The following GTF2F2 variants were observed in gnomAD, a reference collection of about 807,000 sequenced individuals.
GTF2F2 encodes general transcription factor IIF subunit 2.
Under a neutral mutation model 42.2 loss-of-function variants are expected in GTF2F2, and 23 were observed. The ratio of observed to expected loss-of-function variants is 0.55; its 90% CI spans 0.39 to 0.77. The LOEUF (loss-of-function observed/expected upper bound fraction) is 0.77. GTF2F2 is among the 30% of genes least tolerant of loss of function. The pLI is 0.00. For missense variants in GTF2F2, 261 were observed against 287.2 expected (o/e 0.91, Z 0.66); for synonymous variants, 105 against 100.8 (o/e 1.04, Z -0.25).
At chr13:45,165,331 A>AT (rs1555265772) in intron 4 of GTF2F2, among the ~76,000 whole-genome samples, 3,477 of 136,854 alleles carry the variant, frequency 0.025, 51 homozygotes, top group Middle Eastern at 0.056. Context: ...ATATATATAT[A>AT]TTTTTTTTTT....
At chr13:45,183,949 G>C (rs929349667) in intron 4 of GTF2F2, among the ~76,000 whole-genome samples, 1 of 151,696 alleles carries the variant, frequency 6.6e-6, no homozygotes, top group Non-Finnish European at 1.5e-5. Flanking sequence ...TCTTCCTCCC[G>C]GGCTCAAGCA....
intron 5 of GTF2F2, among the ~76,000 whole-genome samples, chr13:45,243,954 C>T (rs920242267): frequency 4.6e-5 from 7 of 152,234 alleles, no homozygotes; most frequent in African/African-American, 1.7e-4. Flanking sequence ...AGCCACTGCG[C>T]CCTGCCAGTT....
At chr13:45,207,989 T>C (rs749688125) in intron 5 of GTF2F2, among the ~76,000 whole-genome samples, 16 of 152,060 alleles carry the variant, frequency 1.1e-4, no homozygotes, top group Non-Finnish European at 5.9e-5. Flanking sequence ...ATATCCTATC[T>C]CTACAAAAAG....
At chr13:45,149,655 C>A (rs1870383095) in intron 2 of GTF2F2, 115 bp from the exon 3 acceptor site, 2 of 1,051,534 alleles carry the variant, frequency 1.9e-6, no homozygotes, top group African/African-American at 1.7e-5. Context: ...ATTGGTTAAT[C>A]TCTGTAAATG....
intron 4 of GTF2F2, 74 bp from the exon 5 acceptor site, chr13:45,207,350 G>T: frequency 1.2e-6 from 1 of 818,892 alleles, no homozygotes; most frequent in Non-Finnish European, 2.1e-6. Flanking sequence ...TCATATTACT[G>T]TGTTTAGTGT....
At chr13:45,185,620 A>G (rs1872383686) in intron 4 of GTF2F2, among the ~76,000 whole-genome samples, 1 of 152,250 alleles carries the variant, frequency 6.6e-6, no homozygotes. Context: ...AAAACTAAGT[A>G]TATAAGGTAA....
chr13:45,274,605 A>T (rs1393108039), intron 7 of GTF2F2, among the ~76,000 whole-genome samples: 3 of 152,144 alleles, frequency 2.0e-5, no homozygotes, highest in African/African-American at 7.2e-5. Flanking sequence ...TTGGGATTAC[A>T]GGCATGAGCC....
chr13:45,267,463 C>T (rs899884920), intron 7 of GTF2F2, 87 bp downstream of exon 7: 2 of 895,430 alleles, frequency 2.2e-6, no homozygotes, highest in African/African-American at 1.8e-5. Flanking sequence ...TGATTTAGTT[C>T]ACATTTACCT....
At chr13:45,160,107 G>T (rs9590876) in intron 4 of GTF2F2, among the ~76,000 whole-genome samples, 4 of 152,004 alleles carry the variant, frequency 2.6e-5, no homozygotes, top group African/African-American at 7.2e-5. Flanking sequence ...TGGTCTCAGG[G>T]CTCTTTTATA....
chr13:45,130,634 G>A (rs1289409131), intron 1 of GTF2F2, among the ~76,000 whole-genome samples: 1 of 152,134 alleles, frequency 6.6e-6, no homozygotes. Flanking sequence ...TTGACAGGAT[G>A]TATCAGTTGA....
rs373217747 is a variant in GTF2F2, at chr13:45,231,035, A to G, written c.387-21836A>G. ...AGTATTAATTGTTTGTCATTGTATC[A>G]CAGAAGTTCATATCCAGCTTTTATT... On this transcript the variant is annotated intron_variant, in intron 5 of 7. Coordinates refer to ENST00000340473, the MANE Select transcript of GTF2F2 (RefSeq NM_004128.3). 2.8e-4 allele frequency among the ~76,000 whole-genome samples: 43 copies of G among 151,958 alleles called. No individual in the cohort carries two copies. In the East Asian group the frequency reaches 8.3e-3, roughly 29 times the overall value.
intron 6 of GTF2F2, among the ~76,000 whole-genome samples, chr13:45,260,833 C>T (rs1028191197): frequency 6.6e-6 from 1 of 152,038 alleles, no homozygotes; most frequent in African/African-American, 2.4e-5. Flanking sequence ...AGTTTGAGAC[C>T]AGCCTGGGCA....
chr13:45,277,131 A>G (rs1326901572), intron 7 of GTF2F2, among the ~76,000 whole-genome samples: 1 of 152,170 alleles, frequency 6.6e-6, no homozygotes, highest in Non-Finnish European at 1.5e-5. Flanking sequence ...TGTTTCAGAG[A>G]AGTTTCCTAG....
At chr13:45,196,859 G>C (rs960525426) in intron 4 of GTF2F2, among the ~76,000 whole-genome samples, 1 of 152,174 alleles carries the variant, frequency 6.6e-6, no homozygotes, top group African/African-American at 2.4e-5. Context: ...ACAGCTGGAA[G>C]TGGGACTGCT....
intron 5 of GTF2F2, among the ~76,000 whole-genome samples, chr13:45,226,659 T>C (rs1874372175): frequency 6.6e-6 from 1 of 152,194 alleles, no homozygotes; most frequent in African/African-American, 2.4e-5. Flanking sequence ...TTTTCCCAGG[T>C]TCAAAAATCT....
intron 5 of GTF2F2, among the ~76,000 whole-genome samples, chr13:45,229,857 G>A (rs1874581255): frequency 6.6e-6 from 1 of 152,122 alleles, no homozygotes; most frequent in Non-Finnish European, 1.5e-5. Flanking sequence ...AAGGAAAGTA[G>A]AATACATAAA....
chr13:45,196,260 C>T (rs1242402015), intron 4 of GTF2F2, among the ~76,000 whole-genome samples: 2 of 152,166 alleles, frequency 1.3e-5, no homozygotes, highest in African/African-American at 2.4e-5. Context: ...CCTCATTTCA[C>T]CAAAGATAAC....
rs548180578 is a variant in GTF2F2 at position 45,253,807 on chromosome 13, G to A, written c.486+837G>A. 1.1e-4 allele frequency among the ~76,000 whole-genome samples: 16 copies of A among 152,298 alleles called. No homozygotes were observed. The South Asian group carries it at 1.2e-3, about 12-fold the overall frequency. ...AAAGAAAGAAGAGGCTGGGCGCGGT[G>A]GCTCACGCCTGTAATCCCAGCACTT... On this transcript the variant is annotated intron_variant, in intron 6 of 7. Transcript: ENST00000340473.
At chr13:45,187,466 G>C (rs1872473038) in intron 4 of GTF2F2, among the ~76,000 whole-genome samples, 1 of 152,024 alleles carries the variant, frequency 6.6e-6, no homozygotes, top group Admixed American at 6.6e-5. Flanking sequence ...TTGTTTGCTA[G>C]AAAATATTGA....
Sources: gnomAD v4.1 joint callset for allele counts (sites outside exome capture counted in the v4.1 genomes callset) on GRCh38, gnomAD v4.1.1 for gene constraint, MANE v1.5 for transcripts, NCBI Gene and HGNC (gene_info 2026-07-23, HGNC 2026-07-21) for gene names.